Variants in SNTG2 observed in about 807,000 individuals in gnomAD.
SNTG2 encodes the protein syntrophin gamma 2, also known as gamma-2-syntrophin.
SNTG2 carries 74 observed loss-of-function variants against 70.9 expected under a neutral mutation model. That is an observed-to-expected ratio of 1.04 (90% CI 0.86 to 1.27). The LOEUF is 1.27. SNTG2 is among the 50% of genes most tolerant of loss of function. The pLI, the probability that SNTG2 is intolerant of heterozygous loss-of-function variation, is 0.00. For missense variants in SNTG2, 717 were observed against 690.7 expected, an observed-to-expected ratio of 1.04 and a Z score of -0.43; for synonymous variants, 278 against 273.8, an observed-to-expected ratio of 1.02 and a Z score of -0.15.
intron 14 of SNTG2, among the ~76,000 whole-genome samples, chr2:1,290,948 T>C (rs6718388): frequency 0.023 from 3,523 of 152,334 alleles, 130 homozygotes; most frequent in African/African-American, 0.08. Context: ...AAATTTTACA[T>C]TCCTAGCAAT....
chr2:1,278,387 G>T (rs1385515573), intron 14 of SNTG2, among the ~76,000 whole-genome samples: 1 of 152,056 alleles, frequency 6.6e-6, no homozygotes, highest in Non-Finnish European at 1.5e-5. Context: ...ACTGCACCAG[G>T]TTGCTGTTTA....
chr2:1,209,352 T>G lies in SNTG2; in HGVS notation c.719+122T>G, dbSNP rs1054309225. On this transcript the variant is annotated intron_variant, in intron 9 of 16. Transcript: ENST00000308624. ...GACATTAGCAAGTGTGCGTGCTGTC[T>G]TCTGGTAGATTTAGCATTTGGAATA... 1.3e-5 allele frequency: 15 copies of G among 1,177,408 alleles called. No homozygotes were observed. In the South Asian group the frequency reaches 2.2e-4, roughly 17 times the overall value. 72.9% of individuals were successfully genotyped at this position (1,177,408 alleles called of 1,614,324 possible).
chr2:1,203,277 T>G (rs1434513908), intron 8 of SNTG2, among the ~76,000 whole-genome samples: 1 of 152,090 alleles, frequency 6.6e-6, no homozygotes, highest in Non-Finnish European at 1.5e-5. Flanking sequence ...TTTCAGGAAA[T>G]AGAGGAGGTT....
intron 1 of SNTG2, among the ~76,000 whole-genome samples, chr2:966,475 C>T (rs917013189): frequency 1.3e-5 from 2 of 151,826 alleles, no homozygotes; most frequent in African/African-American, 4.8e-5. Flanking sequence ...GAATATGTTC[C>T]TTTCATCTTT....
chr2:1,267,028 C>G (rs1201390423), intron 13 of SNTG2, among the ~76,000 whole-genome samples: 2 of 152,184 alleles, frequency 1.3e-5, no homozygotes, highest in Non-Finnish European at 2.9e-5. Flanking sequence ...ACCTTAGTCT[C>G]CCAAAGTGCT....
At chr2:1,332,065 T>C (rs1659560505) in intron 16 of SNTG2, among the ~76,000 whole-genome samples, 1 of 152,282 alleles carries the variant, frequency 6.6e-6, no homozygotes, top group East Asian at 1.9e-4. Context: ...CTCCAGGCCT[T>C]TGTTGGGTTC....
intron 16 of SNTG2, among the ~76,000 whole-genome samples, chr2:1,354,086 G>T (rs1660722256): frequency 6.6e-6 from 1 of 152,204 alleles, no homozygotes; most frequent in African/African-American, 2.4e-5. Flanking sequence ...TGAAAACTGT[G>T]CCAAGATGTG....
At chr2:1,250,683 C>T (rs1232739510) in intron 12 of SNTG2, among the ~76,000 whole-genome samples, 2 of 151,920 alleles carry the variant, frequency 1.3e-5, no homozygotes, top group Non-Finnish European at 2.9e-5. Flanking sequence ...CTCTCTCTTT[C>T]TCCATCTGTC....
chr2:1,278,069 G>A (rs960728572), intron 14 of SNTG2, among the ~76,000 whole-genome samples: 7 of 152,298 alleles, frequency 4.6e-5, no homozygotes, highest in East Asian at 1.9e-4. Flanking sequence ...TCAGTTAATC[G>A]GTAAAATTTT....
At chr2:1,113,499 C>T (rs193187092) in intron 4 of SNTG2, among the ~76,000 whole-genome samples, 1 of 151,188 alleles carries the variant, frequency 6.6e-6, no homozygotes, top group East Asian at 2.0e-4. Flanking sequence ...GAGGTTTAAC[C>T]CTTACAGTCC....
intron 9 of SNTG2, among the ~76,000 whole-genome samples, chr2:1,221,945 G>A (rs141102769): frequency 0.037 from 17 of 454 alleles, 5 homozygotes; most frequent in African/African-American, 0.19. Flanking sequence ...GTCTCTGTCT[G>A]TCTCTGTCTC....
chr2:1,229,075 G>C lies in SNTG2; in HGVS notation c.720-8813G>C, dbSNP rs577815656. Reference sequence around the variant, plus strand: ...CTCATAAAAGCAGCGTGGACCCAAAGAGTGAGCAGTAGCAGGATTTATTGC... The same window carrying C: ...CTCATAAAAGCAGCGTGGACCCAAACAGTGAGCAGTAGCAGGATTTATTGC... On this transcript the variant is annotated intron_variant, in intron 9 of 16. Coordinates refer to ENST00000308624, the MANE Select transcript of SNTG2 (RefSeq NM_018968.4). Among the ~76,000 whole-genome samples the C allele has an allele frequency of 5.3e-5, 8 of 152,304 alleles. No individual in the cohort carries two copies. The South Asian group carries it at 1.2e-3, about 24-fold the overall frequency.
rs377489427 is a variant in SNTG2, at chr2:1,267,349, A to G, written c.1078-16A>G. 2.1e-4 allele frequency: 336 copies of G among 1,580,802 alleles called. 1 individual carries two copies. The highest frequency in any genetic ancestry group is 2.5e-4 in the Non-Finnish European group (289 of 1,161,628). On this transcript the variant is annotated splice_polypyrimidine_tract_variant and intron_variant, in intron 13 of 16. Transcript: ENST00000308624. ...TTCCAGCGCTGCACGTTTCCAATCC[A>G]TGCTCTGTTTTTCAGTTCTGGCTCA...
chr2:1,145,293 A>T (rs1669025008), intron 6 of SNTG2, among the ~76,000 whole-genome samples: 1 of 152,196 alleles, frequency 6.6e-6, no homozygotes, highest in African/African-American at 2.4e-5. Context: ...GATAGGAAAA[A>T]AAAAGCTGTT....
In SNTG2 at chr2:1,226,456, G is replaced by A. The variant is rs149887110; in HGVS notation, c.720-11432G>A. ...CCCAGCACCAACTGGGAATACAGGC[G>A]GCATTTCCGTTGGAATCACCCCATC... On this transcript the variant is annotated intron_variant, in intron 9 of 16. Coordinates refer to ENST00000308624, the MANE Select transcript of SNTG2 (RefSeq NM_018968.4). 1.7e-3 allele frequency among the ~76,000 whole-genome samples: 261 copies of A among 152,222 alleles called. 3 individuals are homozygous for A. The highest frequency in any genetic ancestry group is 5.8e-3 in the African/African-American group (241 of 41,556).
intron 2 of SNTG2, among the ~76,000 whole-genome samples, chr2:1,084,054 AAAAAAG>A (rs1340400622): frequency 6.6e-6 from 1 of 152,074 alleles, no homozygotes; most frequent in Non-Finnish European, 1.5e-5. Context: ...AAAAAAAGGA[AAAAAAG>A]AAAAAGAAAT....
rs943497690 is a variant in SNTG2, at chr2:1,217,917, C to T, written c.719+8687C>T. Among the ~76,000 whole-genome samples the T allele has an allele frequency of 7.9e-5, 12 of 152,038 alleles. 1 individual carries two copies. The highest frequency in any genetic ancestry group is 3.9e-4 in the East Asian group (2 of 5,124). On this transcript the variant is annotated intron_variant, in intron 9 of 16. Transcript: ENST00000308624. ...TCACAGTCCTCATGGGTCAGGAGTC[C>T]GGCAGCTCCCGGCTGGTCCTCTGCT...
intron 1 of SNTG2, among the ~76,000 whole-genome samples, chr2:1,018,493 G>A (rs1374898864): frequency 6.6e-6 from 1 of 152,122 alleles, no homozygotes; most frequent in South Asian, 2.1e-4. Flanking sequence ...GCCCACAGCC[G>A]ACTGGGTAGG....
At chr2:1,071,650 TAA>T (rs74164488) in intron 1 of SNTG2, among the ~76,000 whole-genome samples, 2,063 of 37,158 alleles carry the variant, frequency 0.056, 44 homozygotes, top group African/African-American at 0.23. Flanking sequence ...AGTATAATAA[TAA>T]AAAAAAAAAA....
Sources: gnomAD v4.1 joint callset for allele counts (sites outside exome capture counted in the v4.1 genomes callset) on GRCh38, gnomAD v4.1.1 for gene constraint, MANE v1.5 for transcripts, NCBI Gene and HGNC (gene_info 2026-07-23, HGNC 2026-07-21) for gene names.